XKR4: variants seen among roughly 807,000 people sequenced by gnomAD.
XKR4 encodes the protein XK-related protein 4.
In XKR4, 12 loss-of-function variants were observed where a neutral mutation model predicts 53.9. The ratio of observed to expected loss-of-function variants is 0.22; its 90% CI spans 0.14 to 0.36. The LOEUF (loss-of-function observed/expected upper bound fraction) is 0.36, where lower values mean the gene tolerates loss of function less well. XKR4 is among the 10% of genes least tolerant of loss of function. The probability of loss-of-function intolerance (pLI) is 1.00; values close to 1 mark genes in which losing one functional copy is unlikely to be tolerated. For synonymous variants in XKR4, 354 were observed against 362.4 expected (o/e 0.98, Z 0.26); for missense variants, 799 against 859.5 (o/e 0.93, Z 0.88).
intron 2 of XKR4, among the ~76,000 whole-genome samples, chr8:55,522,006 G>T (rs947274233): frequency 1.3e-5 from 2 of 152,180 alleles, no homozygotes; most frequent in Non-Finnish European, 2.9e-5. Flanking sequence ...TCTTAGTCTT[G>T]GTGAGTCTTG....
intron 2 of XKR4, among the ~76,000 whole-genome samples, chr8:55,364,511 T>A (rs1803948190): frequency 6.6e-6 from 1 of 152,266 alleles, no homozygotes; most frequent in East Asian, 1.9e-4. Context: ...GGCAGGGTTG[T>A]CTGAAGTTGA....
At chr8:55,350,138 A>G (rs1474601717) in intron 1 of XKR4, among the ~76,000 whole-genome samples, 2 of 152,246 alleles carry the variant, frequency 1.3e-5, no homozygotes, top group African/African-American at 2.4e-5. Flanking sequence ...TTAATACCTT[A>G]TCATTGGGCA....
chr8:55,384,962 G>A (rs1025527747), intron 2 of XKR4, among the ~76,000 whole-genome samples: 4 of 152,162 alleles, frequency 2.6e-5, no homozygotes, highest in South Asian at 2.1e-4. Flanking sequence ...AATGGCCATC[G>A]TAACTAGTGA....
intron 1 of XKR4, among the ~76,000 whole-genome samples, chr8:55,290,358 G>C (rs1819001994): frequency 6.6e-6 from 1 of 152,066 alleles, no homozygotes; most frequent in South Asian, 2.1e-4. Context: ...TCGAACTCCT[G>C]AGCTCAAGTG....
chr8:55,267,043 A>T (rs1818614443), intron 1 of XKR4, among the ~76,000 whole-genome samples: 1 of 152,158 alleles, frequency 6.6e-6, no homozygotes. Flanking sequence ...AACAAGAAAG[A>T]TGGAGAAATC....
chr8:55,360,872 T>A (rs1415878260), intron 2 of XKR4, among the ~76,000 whole-genome samples: 1 of 152,236 alleles, frequency 6.6e-6, no homozygotes, highest in Admixed American at 6.5e-5. Context: ...AGTCACTCAG[T>A]CAGAGGAGCC....
intron 2 of XKR4, among the ~76,000 whole-genome samples, chr8:55,516,555 A>G (rs1465656318): frequency 6.6e-6 from 1 of 152,238 alleles, no homozygotes; most frequent in Non-Finnish European, 1.5e-5. Context: ...TTGGGAAGAC[A>G]GGGAAATGAT....
chr8:55,214,212 A>G (rs185918168), intron 1 of XKR4, among the ~76,000 whole-genome samples: 1 of 152,292 alleles, frequency 6.6e-6, no homozygotes, highest in African/African-American at 2.4e-5. Flanking sequence ...TAAAATAAAA[A>G]TTTAAGTAAC....
chr8:55,346,794 G>C (rs1209648998), intron 1 of XKR4, among the ~76,000 whole-genome samples: 1 of 150,742 alleles, frequency 6.6e-6, no homozygotes, highest in African/African-American at 2.4e-5. Context: ...TAGTAATGTT[G>C]TTTATTTAAA....
Position 55,526,510 on chromosome 8 carries a change from G to A in XKR4, c.*2283G>A, listed in dbSNP as rs1390918455. 3 of 152,152 alleles carry A rather than the reference G, an allele frequency of 2.0e-5. No individual in the cohort carries two copies. Among genetic ancestry groups the A allele is most frequent in the Admixed American group, 6.5e-5 (1 of 15,280 alleles). The allele number at this position is 152,152 out of a possible 1,614,324, so 9.4% of individuals were successfully genotyped here. ...GAAAAGGCTCTTCTTGTCAGCACAT[G>A]GTGAAAACATTCCATCCCCACTGGA... On this transcript the variant is annotated 3_prime_UTR_variant, in exon 3 of 3. Coordinates refer to ENST00000327381, the MANE Select transcript of XKR4 (RefSeq NM_052898.2).
intron 2 of XKR4, among the ~76,000 whole-genome samples, chr8:55,486,710 G>A (rs1410746808): frequency 1.3e-5 from 2 of 152,192 alleles, no homozygotes; most frequent in Non-Finnish European, 2.9e-5. Flanking sequence ...AAATTTTGTA[G>A]GTATATGCTA....
At chr8:55,164,032 C>A in intron 1 of XKR4, 1 of 342,550 alleles carries the variant, frequency 2.9e-6, no homozygotes, top group Non-Finnish European at 5.8e-6. Context: ...ACACATCCCT[C>A]GCACACATGC....
chr8:55,286,975 A>T (rs1818915474), intron 1 of XKR4, among the ~76,000 whole-genome samples: 1 of 152,186 alleles, frequency 6.6e-6, no homozygotes, highest in Non-Finnish European at 1.5e-5. Context: ...TAGTTATTCC[A>T]TACCTGTAAA....
Position 55,530,062 on chromosome 8 carries a change from T to A in XKR4, c.*5835T>A, listed in dbSNP as rs1050038803. 18 of 148,958 alleles carry A rather than the reference T, an allele frequency of 1.2e-4. No homozygotes were observed. The highest frequency in any genetic ancestry group is 2.5e-5 in the African/African-American group (1 of 40,272). 9.2% of individuals were successfully genotyped at this position (148,958 alleles called of 1,614,324 possible). A position where few individuals can be genotyped will look rare whatever the true frequency, so the allele number is the denominator to read the frequency against. On this transcript the variant is annotated 3_prime_UTR_variant, in exon 3 of 3. Transcript: ENST00000327381. The stretch of plus-strand genomic sequence containing the variant: ...CCAATTAAGCAGACTGAAAAAAAAC[T>A]AAACCCCATTACTTACTTTGGCATT...
At chr8:55,354,998 G>A (rs929065632) in intron 1 of XKR4, among the ~76,000 whole-genome samples, 2 of 151,466 alleles carry the variant, frequency 1.3e-5, no homozygotes, top group Non-Finnish European at 2.9e-5. Context: ...CCGCCTCCTG[G>A]GTTCAAGTGA....
At chr8:55,238,706 A>G (rs1172828244) in intron 1 of XKR4, among the ~76,000 whole-genome samples, 2 of 152,170 alleles carry the variant, frequency 1.3e-5, no homozygotes, top group African/African-American at 4.8e-5. Flanking sequence ...GAGGAAGTGC[A>G]GTTCTGTTAT....
chr8:55,471,605 A>G (rs2013946), intron 2 of XKR4, among the ~76,000 whole-genome samples: 64,363 of 151,678 alleles, frequency 0.42, 14,049 homozygotes, highest in East Asian at 0.53. Context: ...AGATGCAAAC[A>G]TGGATGATAT....
At chr8:55,387,546 C>T (rs1804340128) in intron 2 of XKR4, among the ~76,000 whole-genome samples, 2 of 152,216 alleles carry the variant, frequency 1.3e-5, no homozygotes, top group Admixed American at 6.5e-5. Flanking sequence ...CACAATGACT[C>T]CCCTGCTCCA....
chr8:55,173,175 AT>A (rs148605989), intron 1 of XKR4, among the ~76,000 whole-genome samples: 4,160 of 152,226 alleles, frequency 0.027, 149 homozygotes, highest in East Asian at 0.12. Flanking sequence ...AGGCAGACAC[AT>A]TAGCACTTAA....
Sources: allele counts gnomAD v4.1 joint callset (sites outside exome capture counted in the v4.1 genomes callset), GRCh38; gene constraint gnomAD v4.1.1; transcripts MANE v1.5; gene names NCBI Gene and HGNC (gene_info 2026-07-23, HGNC 2026-07-21).